The following MAD2L1BP variants were observed in gnomAD, a reference collection of about 807,000 sequenced individuals.
The protein encoded by MAD2L1BP is MAD2L1 binding protein.
A neutral mutation model predicts 28.4 loss-of-function variants in MAD2L1BP; 22 were observed. The ratio of observed to expected loss-of-function variants is 0.77; its 90% CI spans 0.55 to 1.10. MAD2L1BP has a LOEUF of 1.10. Among genes scored for constraint, MAD2L1BP ranks in the 50% least tolerant of loss-of-function variants. The pLI, the probability that MAD2L1BP is intolerant of heterozygous loss-of-function variation, is 0.00. For missense variants in MAD2L1BP, 325 were observed against 350.5 expected (o/e 0.93, Z 0.58); for synonymous variants, 146 against 133.7 (o/e 1.09, Z -0.63).
chr6:43,637,425 C>CTT (rs766935941), intron 2 of MAD2L1BP, among the ~76,000 whole-genome samples: 38 of 130,062 alleles, frequency 2.9e-4, no homozygotes, highest in South Asian at 7.4e-4. Flanking sequence ...CTTTTTTCTT[C>CTT]TTTTTTTTTT....
chr6:43,636,050 G>A (rs1770200157), intron 1 of MAD2L1BP, 129 bp downstream of exon 1: 4 of 969,202 alleles, frequency 4.1e-6, no homozygotes, highest in Non-Finnish European at 4.6e-6. Context: ...TGTCCTACAC[G>A]GCTCTGGCTG....
chr6:43,636,313 G>T, intron 1 of MAD2L1BP, 68 bp from the exon 2 acceptor site: 1 of 1,550,418 alleles, frequency 6.4e-7, no homozygotes, highest in South Asian at 1.2e-5. Flanking sequence ...TCGGCCACAG[G>T]GAATGAGAAG....
Position 43,640,631 on chromosome 6 carries a change from G to A in MAD2L1BP, c.*98G>A. 1 of 1,345,062 alleles carries A rather than the reference G, an allele frequency of 7.4e-7. No homozygotes were observed. The highest frequency in any genetic ancestry group is 1.5e-5 in the South Asian group (1 of 67,426). 83.3% of individuals were successfully genotyped at this position (1,345,062 alleles called of 1,614,324 possible). On this transcript the variant is annotated 3_prime_UTR_variant, in exon 3 of 3. Transcript: ENST00000372171. ...GGTTTGGAGCTAGAGTTGCTTCCTG[G>A]TGAGAGAGGAAGCAACTCTCCTTCT...
At chr6:43,633,361 G>C (rs1770034408), upstream of MAD2L1BP, 1 of 311,716 alleles carries the variant, frequency 3.2e-6, no homozygotes, top group African/African-American at 2.3e-5. Context: ...TAGTAGAGAC[G>C]GGGTTTCTCC....
rs971441656 is a variant in MAD2L1BP, at chr6:43,638,500, A to G, written c.313-1521A>G. Among the ~76,000 whole-genome samples, 69 of 151,550 alleles carry G rather than the reference A, an allele frequency of 4.6e-4. 1 individual carries two copies. Among genetic ancestry groups the G allele is most frequent in the Admixed American group, 9.2e-4 (14 of 15,194 alleles). ...GAGTTTTATTCTGTGTCTGGTGAAT[A>G]TTTAAGAATAAATTGGCCGGGCGCG... On this transcript the variant is annotated intron_variant, in intron 2 of 2. Transcript: ENST00000372171.
chr6:43,637,058 A>T (rs1267568824), intron 2 of MAD2L1BP, among the ~76,000 whole-genome samples: 1 of 146,084 alleles, frequency 6.8e-6, no homozygotes, highest in African/African-American at 2.6e-5. Flanking sequence ...TTGTATTTTA[A>T]TTAATTTATT....
chr6:43,629,828 T>G (rs1769784429), intron 1 of MAD2L1BP: 1 of 1,535,214 alleles, frequency 6.5e-7, no homozygotes, highest in Non-Finnish European at 8.8e-7. Flanking sequence ...TTACGGCTGT[T>G]ATTGTTGGGA....
chr6:43,636,318 G>T, intron 1 of MAD2L1BP, 63 bp from the exon 2 acceptor site: 1 of 1,572,134 alleles, frequency 6.4e-7, no homozygotes, highest in South Asian at 1.1e-5. Context: ...CACAGGGAAT[G>T]AGAAGACTGA....
Position 43,640,276 on chromosome 6 carries a change from C to G in MAD2L1BP, c.568C>G (p.Leu190Val). ...GAGCACAGCAGCTTGTTTGCGCCGT[C>G]TCTTCCGAGCCATATTCATGGCTGA... ...SLSTAACLRR[L>V]FRAIFMADAF... Residue 190 changes from leucine (L) to valine (V), a missense_variant, in exon 3 of 3, where the codon CTC becomes GTC. Physicochemically the swap from Leu to Val is conservative, Grantham distance 32. Transcript: ENST00000372171. The G allele has an allele frequency of 6.2e-7, 1 of 1,613,488 alleles. No individual in the cohort carries two copies. The highest frequency in any genetic ancestry group is 8.5e-7 in the Non-Finnish European group (1 of 1,179,784).
At position 43,639,950 on chromosome 6, in the gene MAD2L1BP, A is replaced by G. The variant is rs529465997; in HGVS notation, c.313-71A>G. The stretch of plus-strand genomic sequence containing the variant: ...TGTAAGTCTATGTACACATCCCAGC[A>G]GGGTTCTTTTCAAAGAGCATTAGCT... On this transcript the variant is annotated intron_variant, in intron 2 of 2. Transcript: ENST00000372171. 41 of 1,399,486 alleles carry G rather than the reference A, an allele frequency of 2.9e-5. No homozygotes were observed. The African/African-American group carries it at 5.0e-4, about 17-fold the overall frequency. The allele number at this position is 1,399,486 out of a possible 1,614,324, so 86.7% of individuals were successfully genotyped here.
upstream of MAD2L1BP, chr6:43,633,233 C>A (rs1770027680): frequency 2.3e-6 from 1 of 426,480 alleles, no homozygotes; most frequent in Admixed American, 2.7e-5. Context: ...AGCACAATGG[C>A]ATGACCTCAG....
chr6:43,634,378 C>A (rs543743887), upstream of MAD2L1BP, among the ~76,000 whole-genome samples: 6 of 151,978 alleles, frequency 3.9e-5, no homozygotes, highest in South Asian at 1.0e-3. Context: ...CACCACCACA[C>A]CTGGCTAACT....
chr6:43,636,345 T>A, intron 1 of MAD2L1BP, 36 bp from the exon 2 acceptor site: 1 of 1,606,904 alleles, frequency 6.2e-7, no homozygotes, highest in African/African-American at 1.3e-5. Flanking sequence ...TTTAGGTTTT[T>A]AATTTTTCTC....
chr6:43,633,722 GT>G (rs1450132597), upstream of MAD2L1BP, among the ~76,000 whole-genome samples: 1 of 148,110 alleles, frequency 6.8e-6, no homozygotes, highest in African/African-American at 2.5e-5. Flanking sequence ...GTCTATTTTG[GT>G]TTTGGAGGCA....
chr6:43,636,792 C>T (rs995484563), intron 2 of MAD2L1BP, 146 bp downstream of exon 2: 2 of 884,244 alleles, frequency 2.3e-6, no homozygotes, highest in Non-Finnish European at 3.5e-6. Flanking sequence ...CCACTCTAGT[C>T]TTTGGTAGCC....
chr6:43,629,857 A>G, intron 1 of MAD2L1BP: 1 of 1,449,638 alleles, frequency 6.9e-7, no homozygotes, highest in South Asian at 1.3e-5. Flanking sequence ...CTACCTTTAC[A>G]TAGTAGTCAC....
At chr6:43,635,975 C>A in intron 1 of MAD2L1BP, 54 bp downstream of exon 1, 2 of 1,492,948 alleles carry the variant, frequency 1.3e-6, no homozygotes, top group Non-Finnish European at 1.8e-6. Flanking sequence ...TTCTTCCCTA[C>A]CGCCGCGCCA....
At position 43,640,658 on chromosome 6, in the gene MAD2L1BP, G is replaced by A. The variant is rs1770512271; in HGVS notation, c.*125G>A. Reference sequence around the variant, plus strand: ...GAGAGAGGAAGCAACTCTCCTTCTGGTTGTCTGCCTCCCCTCAGATTTCCT... The same window carrying A: ...GAGAGAGGAAGCAACTCTCCTTCTGATTGTCTGCCTCCCCTCAGATTTCCT... On this transcript the variant is annotated 3_prime_UTR_variant, in exon 3 of 3. Transcript: ENST00000372171. 9.9e-7 allele frequency: 1 copy of A among 1,010,394 alleles called. No individual in the cohort carries two copies. Among genetic ancestry groups the A allele is most frequent in the Non-Finnish European group, 1.4e-6 (1 of 711,518 alleles). 62.6% of individuals were successfully genotyped at this position (1,010,394 alleles called of 1,614,324 possible).
chr6:43,636,781 C>T, intron 2 of MAD2L1BP, 135 bp downstream of exon 2: 1 of 1,020,498 alleles, frequency 9.8e-7, no homozygotes, highest in Non-Finnish European at 1.4e-6. Flanking sequence ...TCACTTTCTC[C>T]CCACTCTAGT....
Sources: gnomAD v4.1 joint callset for allele counts (sites outside exome capture counted in the v4.1 genomes callset) on GRCh38, gnomAD v4.1.1 for gene constraint, MANE v1.5 for transcripts, NCBI Gene and HGNC (gene_info 2026-07-23, HGNC 2026-07-21) for gene names.